Variants in PPARGC1A observed in about 807,000 individuals in gnomAD.
The protein encoded by PPARGC1A is peroxisome proliferator-activated receptor gamma coactivator 1-alpha.
Under a neutral mutation model 88.7 loss-of-function variants are expected in PPARGC1A, and 25 were observed. The observed-to-expected ratio is 0.28, with a 90% CI of 0.21 to 0.39. The LOEUF is 0.39. PPARGC1A is among the 10% of genes least tolerant of loss of function. The probability of loss-of-function intolerance (pLI) is 1.00; values close to 1 mark genes in which losing one functional copy is unlikely to be tolerated. For synonymous variants in PPARGC1A, 363 were observed against 355.6 expected (o/e 1.02, Z -0.24); for missense variants, 880 against 968.7 (o/e 0.91, Z 1.22).
chr4:24,385,712 T>C, the PPARGC1A span, among the ~76,000 whole-genome samples: 225 of 152,214 alleles, frequency 1.5e-3, 5 homozygotes, highest in African/African-American at 5.2e-3. Flanking sequence ...AATCCCTGAA[T>C]AGACCAATAA....
At chr4:23,955,703 G>C in the PPARGC1A span, among the ~76,000 whole-genome samples, 1 of 152,094 alleles carries the variant, frequency 6.6e-6, no homozygotes, top group Non-Finnish European at 1.5e-5. Context: ...TTATGTGCTA[G>C]GCTTTGGGAT....
the PPARGC1A span, among the ~76,000 whole-genome samples, chr4:24,460,746 G>A: frequency 6.6e-6 from 1 of 152,076 alleles, no homozygotes; most frequent in Non-Finnish European, 1.5e-5. Flanking sequence ...GATTTCATTA[G>A]CACTGCTTCC....
chr4:24,466,876 T>C, the PPARGC1A span, among the ~76,000 whole-genome samples: 3 of 44,624 alleles, frequency 6.7e-5, no homozygotes, highest in Non-Finnish European at 1.3e-4. Context: ...ATTGCACCAC[T>C]GCACACCAGC....
the PPARGC1A span, among the ~76,000 whole-genome samples, chr4:24,097,081 G>A: frequency 1.3e-5 from 2 of 152,280 alleles, no homozygotes; most frequent in South Asian, 2.1e-4. Flanking sequence ...GCGACAGAGT[G>A]AGACCCTGTC....
the PPARGC1A span, among the ~76,000 whole-genome samples, chr4:24,164,777 G>A: frequency 4.6e-5 from 7 of 152,080 alleles, no homozygotes; most frequent in Non-Finnish European, 1.5e-5. Flanking sequence ...TTTGTTCCTG[G>A]TGCACAGATT....
At chr4:24,109,020 C>T in the PPARGC1A span, among the ~76,000 whole-genome samples, 2 of 116,308 alleles carry the variant, frequency 1.7e-5, no homozygotes, top group Admixed American at 1.6e-4. Flanking sequence ...ACACACACAC[C>T]ACACACACAC....
upstream of PPARGC1A, among the ~76,000 whole-genome samples, chr4:23,908,056 G>T (rs1376296839): frequency 6.6e-6 from 1 of 152,168 alleles, no homozygotes; most frequent in Non-Finnish European, 1.5e-5. Flanking sequence ...CTTTGAAATG[G>T]ACAAAGTGAT....
chr4:24,051,493 G>C, the PPARGC1A span, among the ~76,000 whole-genome samples: 1 of 152,176 alleles, frequency 6.6e-6, no homozygotes, highest in Non-Finnish European at 1.5e-5. Flanking sequence ...GTAGCCCTAT[G>C]AGTTAAGTGC....
the PPARGC1A span, among the ~76,000 whole-genome samples, chr4:24,320,371 C>A: frequency 6.6e-6 from 1 of 152,196 alleles, no homozygotes; most frequent in Non-Finnish European, 1.5e-5. Context: ...TTATATGCCT[C>A]ATGGATTCTA....
the PPARGC1A span, among the ~76,000 whole-genome samples, chr4:23,935,213 A>C: frequency 6.6e-6 from 1 of 152,246 alleles, no homozygotes; most frequent in Admixed American, 6.5e-5. Flanking sequence ...CAAGCAGGAC[A>C]TCCAGCAAGA....
chr4:24,333,472 G>GT, the PPARGC1A span, among the ~76,000 whole-genome samples: 1 of 152,178 alleles, frequency 6.6e-6, no homozygotes, highest in African/African-American at 2.4e-5. Context: ...TTCTTCACTC[G>GT]TTTTTATTCT....
chr4:23,975,954 T>C, the PPARGC1A span, among the ~76,000 whole-genome samples: 1 of 152,206 alleles, frequency 6.6e-6, no homozygotes, highest in Non-Finnish European at 1.5e-5. Context: ...GTTGCAAGAA[T>C]CAAATAAATT....
the PPARGC1A span, among the ~76,000 whole-genome samples, chr4:24,428,665 G>A: frequency 6.6e-6 from 1 of 152,204 alleles, no homozygotes; most frequent in East Asian, 1.9e-4. Context: ...TGGTCTTGTT[G>A]CAAGGAGTGG....
chr4:24,269,653 C>A, the PPARGC1A span, among the ~76,000 whole-genome samples: 1,131 of 92,354 alleles, frequency 0.012, 25 homozygotes, highest in African/African-American at 0.042. Flanking sequence ...TTCATCATCA[C>A]ACTTTATTAT....
the PPARGC1A span, among the ~76,000 whole-genome samples, chr4:24,191,135 T>C: frequency 6.6e-6 from 1 of 152,156 alleles, no homozygotes; most frequent in Non-Finnish European, 1.5e-5. Flanking sequence ...CATGAAAAAG[T>C]TATATGATCC....
At chr4:24,020,534 C>T in the PPARGC1A span, among the ~76,000 whole-genome samples, 1 of 152,198 alleles carries the variant, frequency 6.6e-6, no homozygotes, top group Admixed American at 6.5e-5. Flanking sequence ...CCCCACAAGA[C>T]AATGCTTCAC....
the PPARGC1A span, among the ~76,000 whole-genome samples, chr4:24,431,038 T>C: frequency 7.3e-6 from 1 of 137,424 alleles, no homozygotes; most frequent in Non-Finnish European, 1.5e-5. Flanking sequence ...CGTGGGAGAA[T>C]CACTTGAACC....
chr4:24,304,649 C>T, the PPARGC1A span, among the ~76,000 whole-genome samples: 1 of 152,174 alleles, frequency 6.6e-6, no homozygotes, highest in South Asian at 2.1e-4. Context: ...GCAACAGTTT[C>T]AGTGTCTCAC....
In PPARGC1A at chr4:23,870,694, T is replaced by C. The variant is rs112567511; in HGVS notation, c.234+14058A>G. Among the ~76,000 whole-genome samples, 509 of 152,270 alleles carry C rather than the reference T, an allele frequency of 3.3e-3. 5 individuals carry two copies. The highest frequency in any genetic ancestry group is 1.0e-2 in the African/African-American group (414 of 41,550). On this transcript the variant is annotated intron_variant, in intron 2 of 12. Coordinates refer to ENST00000264867, the MANE Select transcript of PPARGC1A (RefSeq NM_013261.5). ...TAAAATGTGCTCCATCTGAGGGAAT[T>C]TTTCTGAATCTAGTTTGGCTTCTCA... is the stretch of plus-strand genomic sequence containing the variant.
Sources: gnomAD v4.1 joint callset for allele counts (sites outside exome capture counted in the v4.1 genomes callset) on GRCh38, gnomAD v4.1.1 for gene constraint, MANE v1.5 for transcripts, NCBI Gene and HGNC (gene_info 2026-07-23, HGNC 2026-07-21) for gene names.